HS3ST3A1: variants seen among roughly 807,000 people sequenced by gnomAD.
The protein encoded by HS3ST3A1 is heparan sulfate-glucosamine 3-sulfotransferase 3A1.
A neutral mutation model predicts 25.7 loss-of-function variants in HS3ST3A1; 19 were observed. That is an observed-to-expected ratio of 0.74 (90% CI 0.52 to 1.08). The LOEUF is 1.08. HS3ST3A1 is among the 50% of genes least tolerant of loss of function. The probability of loss-of-function intolerance (pLI) is 0.00; values close to 1 mark genes in which losing one functional copy is unlikely to be tolerated. For missense variants in HS3ST3A1, 459 were observed against 594.3 expected, an observed-to-expected ratio of 0.77 and a Z score of 2.37; for synonymous variants, 226 against 278.6, an observed-to-expected ratio of 0.81 and a Z score of 1.88.
intron 1 of HS3ST3A1, among the ~76,000 whole-genome samples, chr17:13,594,387 C>A (rs1470407745): frequency 6.6e-6 from 1 of 152,112 alleles, no homozygotes; most frequent in Admixed American, 6.5e-5. Context: ...TCTCAAAGCG[C>A]TTTCCTGTGA....
At chr17:13,513,134 C>T (rs113776746) in intron 1 of HS3ST3A1, among the ~76,000 whole-genome samples, 1 of 152,146 alleles carries the variant, frequency 6.6e-6, no homozygotes, top group African/African-American at 2.4e-5. Flanking sequence ...AGAGCTAAGT[C>T]ATGGTGAAGG....
At chr17:13,552,066 T>C (rs982183479) in intron 1 of HS3ST3A1, among the ~76,000 whole-genome samples, 2 of 144,998 alleles carry the variant, frequency 1.4e-5, no homozygotes, top group African/African-American at 5.0e-5. Flanking sequence ...TATTTGGTTC[T>C]TGAACACTTT....
At chr17:13,523,860 G>T (rs1906326323) in intron 1 of HS3ST3A1, among the ~76,000 whole-genome samples, 2 of 151,942 alleles carry the variant, frequency 1.3e-5, no homozygotes, top group African/African-American at 4.8e-5. Context: ...TAGTCTCATT[G>T]TTTTATTACT....
rs1253205880 is a variant in HS3ST3A1, at chr17:13,526,472, TTTTATATATATATATATATA to T, written c.600-29674_600-29655del. On this transcript the variant is annotated intron_variant, in intron 1 of 1. Coordinates refer to ENST00000284110, the MANE Select transcript of HS3ST3A1 (RefSeq NM_006042.3). The stretch of plus-strand genomic sequence containing the variant: ...TATTGAACTTGGATACAACTTTAAT[TTTTATATATATATATATATA>T]TATATATATATATATATATATATTA... Among the ~76,000 whole-genome samples the T allele has an allele frequency of 5.3e-3, 310 of 58,364 alleles. 6 individuals are homozygous for T. Among genetic ancestry groups the T allele is most frequent in the African/African-American group, 0.018 (287 of 16,224 alleles). The allele number at this position is 58,364 out of a possible 152,430, so 38.3% of individuals were successfully genotyped here.
chr17:13,507,278 C>A (rs920074096), intron 1 of HS3ST3A1, among the ~76,000 whole-genome samples: 1 of 152,092 alleles, frequency 6.6e-6, no homozygotes. Flanking sequence ...TCTTGAGTCT[C>A]ACAACTAAAA....
intron 1 of HS3ST3A1, among the ~76,000 whole-genome samples, chr17:13,535,464 AGT>A (rs777878730): frequency 6.6e-6 from 1 of 152,200 alleles, no homozygotes; most frequent in Non-Finnish European, 1.5e-5. Flanking sequence ...AAGAAGGGAG[AGT>A]GTTGTTTCAT....
intron 1 of HS3ST3A1, among the ~76,000 whole-genome samples, chr17:13,543,271 ACTGAGCCCTTAAC>A (rs1906987748): frequency 6.6e-6 from 1 of 152,172 alleles, no homozygotes; most frequent in South Asian, 2.1e-4. Flanking sequence ...GTCTTGTGAG[ACTGAGCCCTTAAC>A]CTATGATATC....
chr17:13,540,792 T>G (rs1906909893), intron 1 of HS3ST3A1, among the ~76,000 whole-genome samples: 1 of 152,188 alleles, frequency 6.6e-6, no homozygotes, highest in Non-Finnish European at 1.5e-5. Flanking sequence ...TCATTCCCCT[T>G]AGGGGCTACC....
At chr17:13,529,978 C>T (rs1906553065) in intron 1 of HS3ST3A1, among the ~76,000 whole-genome samples, 1 of 148,506 alleles carries the variant, frequency 6.7e-6, no homozygotes, top group Admixed American at 7.0e-5. Flanking sequence ...TTTGAAACCA[C>T]AACAGCAATC....
intron 1 of HS3ST3A1, among the ~76,000 whole-genome samples, chr17:13,506,854 C>T (rs751103484): frequency 1.3e-4 from 19 of 148,842 alleles, no homozygotes; most frequent in Middle Eastern, 3.5e-3. Context: ...CTCAGGAGTT[C>T]GAGGCCAGCC....
intron 1 of HS3ST3A1, among the ~76,000 whole-genome samples, chr17:13,549,541 C>G (rs982183477): frequency 6.6e-6 from 1 of 152,136 alleles, no homozygotes; most frequent in Non-Finnish European, 1.5e-5. Context: ...TTTGTTCCAC[C>G]GCTGTTCGAC....
intron 1 of HS3ST3A1, among the ~76,000 whole-genome samples, chr17:13,546,136 C>A (rs2142350737): frequency 6.6e-6 from 1 of 152,272 alleles, no homozygotes; most frequent in South Asian, 2.1e-4. Context: ...CCACGTGGAC[C>A]AACTCCTCAC....
At chr17:13,558,549 G>T (rs1812095415) in intron 1 of HS3ST3A1, among the ~76,000 whole-genome samples, 1 of 152,152 alleles carries the variant, frequency 6.6e-6, no homozygotes, top group Non-Finnish European at 1.5e-5. Context: ...ATTATCTCGA[G>T]CGAAGGAAGG....
At chr17:13,553,730 T>C (rs1443779932) in intron 1 of HS3ST3A1, among the ~76,000 whole-genome samples, 1 of 152,188 alleles carries the variant, frequency 6.6e-6, no homozygotes, top group Non-Finnish European at 1.5e-5. Context: ...TAGAGTTCTT[T>C]CTAGACATGT....
intron 1 of HS3ST3A1, among the ~76,000 whole-genome samples, chr17:13,571,886 A>G (rs558949178): frequency 6.6e-6 from 1 of 152,266 alleles, no homozygotes; most frequent in South Asian, 2.1e-4. Flanking sequence ...CAGCCTCCTG[A>G]GTAGCTAGGA....
chr17:13,505,344 C>T (rs1017006745), intron 1 of HS3ST3A1, among the ~76,000 whole-genome samples: 1 of 152,026 alleles, frequency 6.6e-6, no homozygotes, highest in East Asian at 1.9e-4. Context: ...ACAGATGAGA[C>T]GAAGAAATTT....
At chr17:13,511,653 T>C (rs1321168785) in intron 1 of HS3ST3A1, among the ~76,000 whole-genome samples, 1 of 151,432 alleles carries the variant, frequency 6.6e-6, no homozygotes, top group Non-Finnish European at 1.5e-5. Context: ...TGTATAAATA[T>C]GTAGGTCTAG....
At chr17:13,509,256 CAT>C (rs1905783737) in intron 1 of HS3ST3A1, among the ~76,000 whole-genome samples, 1 of 152,072 alleles carries the variant, frequency 6.6e-6, no homozygotes, top group Non-Finnish European at 1.5e-5. Flanking sequence ...CATTTGATGA[CAT>C]ATGAAAATGA....
chr17:13,576,120 G>C (rs1356490425), intron 1 of HS3ST3A1, among the ~76,000 whole-genome samples: 1 of 152,228 alleles, frequency 6.6e-6, no homozygotes, highest in Admixed American at 6.5e-5. Context: ...GCAAATGGTG[G>C]TGGTGGCTGC....
Sources: allele counts gnomAD v4.1 joint callset (sites outside exome capture counted in the v4.1 genomes callset), GRCh38; gene constraint gnomAD v4.1.1; transcripts MANE v1.5; gene names NCBI Gene and HGNC (gene_info 2026-07-23, HGNC 2026-07-21).